SBF1: variants seen among roughly 807,000 people sequenced by gnomAD.
SBF1 encodes the protein SET binding factor 1.
In SBF1, 65 loss-of-function variants were observed where a neutral mutation model predicts 215.8. That is an observed-to-expected ratio of 0.30 (90% CI 0.25 to 0.37). The LOEUF (loss-of-function observed/expected upper bound fraction) is 0.37. Ranked by LOEUF, SBF1 falls within the 10% of genes least tolerant of loss-of-function variation. SBF1 has a pLI of 1.00. For missense variants in SBF1, 2,634 were observed against 2,667.8 expected, an observed-to-expected ratio of 0.99 and a Z score of 0.28; for synonymous variants, 1,410 against 1,122.8, an observed-to-expected ratio of 1.26 and a Z score of -5.11.
chr22:50,454,489 C>T, intron 36 of SBF1, 23 bp downstream of exon 36: 1 of 1,592,194 alleles, frequency 6.3e-7, no homozygotes, highest in Admixed American at 1.7e-5. Context: ...CCAGGCCAGA[C>T]CCTGCTCTGG....
At chr22:50,473,998 A>C (rs2068084413) in intron 1 of SBF1, among the ~76,000 whole-genome samples, 1 of 152,190 alleles carries the variant, frequency 6.6e-6, no homozygotes, top group Non-Finnish European at 1.5e-5. Flanking sequence ...CACGCTCGCC[A>C]ACGCTGCTGT....
At chr22:50,468,342 C>G (rs2067866602) in intron 2 of SBF1, 34 bp downstream of exon 2, 3 of 1,600,138 alleles carry the variant, frequency 1.9e-6, no homozygotes, top group Admixed American at 1.7e-5. Flanking sequence ...CCCTCCCCAC[C>G]TGCCAGCACC....
chr22:50,468,268 A>G (rs1603434545), intron 2 of SBF1, 108 bp downstream of exon 2: 3 of 1,079,844 alleles, frequency 2.8e-6, no homozygotes, highest in African/African-American at 3.2e-5. Context: ...TCCCTAGCCC[A>G]GCGGGGGGCC....
At chr22:50,450,434 T>A (rs1340519114) in intron 36 of SBF1, among the ~76,000 whole-genome samples, 1 of 151,670 alleles carries the variant, frequency 6.6e-6, no homozygotes, top group Admixed American at 6.6e-5. Context: ...GGCAGGAGAA[T>A]TGCTTGAACA....
chr22:50,457,071 G>A lies in SBF1; in HGVS notation c.3867C>T (p.Pro1289=), dbSNP rs372307321. 7 of 1,482,442 alleles carry A rather than the reference G, an allele frequency of 4.7e-6. No homozygotes were observed. Among genetic ancestry groups the A allele is most frequent in the Non-Finnish European group, 5.3e-6 (6 of 1,123,256 alleles). The allele number at this position is 1,482,442 out of a possible 1,614,324, so 91.8% of individuals were successfully genotyped here. Residue 1289 remains proline, a synonymous_variant, in exon 29 of 41, where the codon CCC becomes CCT. Transcript: ENST00000380817. Reference sequence around the variant, plus strand: ...TCCGTCTGGAGGCCGAGGCCGCCATGGGGTTGGACAGCGTGGTGACCCTGG... The same window carrying A: ...TCCGTCTGGAGGCCGAGGCCGCCATAGGGTTGGACAGCGTGGTGACCCTGG... ...PRARVTTLSN[P]MAASASRRTA...
rs555984400 is a variant in SBF1, at chr22:50,450,129, GA to G, written c.5044-1480del. ...GGAGCACCACAGCAAAGGGGCTCTA[GA>G]AATCTAGACAGAGCCCTCCTTGAGT... On this transcript the variant is annotated intron_variant, in intron 36 of 40. Transcript: ENST00000380817. 2.7e-3 allele frequency among the ~76,000 whole-genome samples: 407 copies of G among 152,372 alleles called. 5 individuals carry two copies. Among genetic ancestry groups the G allele is most frequent in the African/African-American group, 9.1e-3 (379 of 41,592 alleles).
chr22:50,465,518 C>T (rs1227059978), intron 10 of SBF1, among the ~76,000 whole-genome samples, 190 bp from the exon 11 acceptor site: 2 of 152,218 alleles, frequency 1.3e-5, no homozygotes, highest in African/African-American at 2.4e-5. Context: ...TGGCTCAGCA[C>T]CCTCAAGGGC....
chr22:50,459,315 C>T lies in SBF1; in HGVS notation c.3766G>A (p.Ala1256Thr), dbSNP rs374895065. The T allele has an allele frequency of 8.6e-5, 138 of 1,612,550 alleles. 1 individual carries two copies. The highest frequency in any genetic ancestry group is 1.6e-4 in the Middle Eastern group (1 of 6,072). The change falls in exon 28 of 41, where the codon GCC becomes ACC. Residue 1256 changes from alanine (A) to threonine (T), a missense_variant. By Grantham distance (58) the Ala-to-Thr change is moderately conservative. Transcript: ENST00000380817. ...AGCGTGTTGCGTCCCGACGCGTCGG[C>T]GTAGCGGGGCATGGAGCTGACCACA... ...QAVVSSMPRY[A>T]DASGRNTLSG...
intron 2 of SBF1, 146 bp downstream of exon 2, chr22:50,468,230 A>T (rs2067860217): frequency 1.3e-6 from 1 of 765,838 alleles, no homozygotes; most frequent in Admixed American, 2.9e-5. Context: ...AGCCGGTCAA[A>T]CCCCCCGACA....
chr22:50,456,472 ACCCCCCG>A lies in SBF1; in HGVS notation c.4086+13_4086+19del, dbSNP rs2067254256. On this transcript the variant is annotated intron_variant, in intron 30 of 40. Transcript: ENST00000380817. ...TGCCGAGCCCCCACCCTCACCCCCC[ACCCCCCG>A]CACCCCAGTCACCTTGAGCTGGGCT... is the stretch of plus-strand genomic sequence containing the variant. The A allele has an allele frequency of 6.8e-6, 3 of 438,224 alleles. No individual in the cohort carries two copies. The highest frequency in any genetic ancestry group is 7.6e-5 in the African/African-American group (2 of 26,150). The allele number at this position is 438,224 out of a possible 1,614,324, so 27.1% of individuals were successfully genotyped here.
rs199878169 is a variant in SBF1, at chr22:50,455,420, C to A, written c.4369-11G>T. On this transcript the variant is annotated splice_polypyrimidine_tract_variant and intron_variant, in intron 32 of 40. Coordinates refer to ENST00000380817, the MANE Select transcript of SBF1 (RefSeq NM_002972.4). ...CACCAAGGATACCACCTGCCAGCAC[C>A]GCCAGGAGGTCAGCGAGGAGCCCGG... 7 of 1,611,790 alleles carry A rather than the reference C, an allele frequency of 4.3e-6. No homozygotes were observed. In the African/African-American group the frequency reaches 9.4e-5, roughly 22 times the overall value.
chr22:50,469,097 G>C (rs1348551125), intron 1 of SBF1, among the ~76,000 whole-genome samples: 2 of 152,168 alleles, frequency 1.3e-5, no homozygotes, highest in African/African-American at 2.4e-5. Flanking sequence ...GCAGGACCTA[G>C]AGGGGCAGCA....
rs758581593 is a variant in SBF1 at position 50,456,541 on chromosome 22, C to A, written c.4037G>T (p.Arg1346Leu). 11 of 1,588,920 alleles carry A rather than the reference C, an allele frequency of 6.9e-6. No homozygotes were observed. The South Asian group carries it at 1.3e-4, about 18-fold the overall frequency. Residue 1346 changes from arginine (R) to leucine (L), a missense_variant, in exon 30 of 41, where the codon CGT (arginine) becomes CTT (leucine). Arg to Leu is a moderately radical substitution (Grantham distance 102). Transcript: ENST00000380817. ...NGGPPDPGFL[R>L]PQRAALYILG... ...GATATAGAGGGCTGCTCGCTGCGGA[C>A]GCAGGAAGCCCGGGTCGGGAGGGCC...
Position 50,446,356 on chromosome 22 carries a change from T to TGCCCCCCC in SBF1, c.*785_*786insGGGGGGGC, listed in dbSNP as rs2066808396. 4 of 35,040 alleles carry TGCCCCCCC rather than the reference T, an allele frequency of 1.1e-4. No homozygotes were observed. The highest frequency in any genetic ancestry group is 5.3e-4 in the East Asian group (1 of 1,904). 2.2% of individuals were successfully genotyped at this position (35,040 alleles called of 1,614,324 possible). A position where few individuals can be genotyped will look rare whatever the true frequency, so the allele number is the denominator to read the frequency against. On this transcript the variant is annotated 3_prime_UTR_variant, in exon 41 of 41. Transcript: ENST00000380817. ...CCTGCATTCCCCTGGGAGCCCACTG[T>TGCCCCCCC]CCCCCCCCCCCCCCCGCCTCCGGCC...
At position 50,462,978 on chromosome 22, in the gene SBF1, C is replaced by T. The variant is rs765413359; in HGVS notation, c.1900-40G>A. 15 of 1,567,872 alleles carry T rather than the reference C, an allele frequency of 9.6e-6. No homozygotes were observed. In the South Asian group the frequency reaches 1.5e-4, roughly 16 times the overall value. The stretch of plus-strand genomic sequence containing the variant: ...AGAGACCGTCAGGACCTCTCCCCTC[C>T]CAGGCAGCACTCACCTCCCACCATG... On this transcript the variant is annotated intron_variant, in intron 16 of 40. Transcript: ENST00000380817.
Position 50,459,240 on chromosome 22 carries a change from C to A in SBF1, c.3826+15G>T. 6.3e-7 allele frequency: 1 copy of A among 1,589,308 alleles called. No individual in the cohort carries two copies. Among genetic ancestry groups the A allele is most frequent in the Non-Finnish European group, 8.6e-7 (1 of 1,161,706 alleles). ...AAGTGCCCCTGCCCCACCGTCTGCC[C>A]ACAAGCACCCTCACCGTGACTGCCC... On this transcript the variant is annotated intron_variant, in intron 28 of 40. Coordinates refer to ENST00000380817, the MANE Select transcript of SBF1 (RefSeq NM_002972.4).
At chr22:50,462,811 G>T in intron 17 of SBF1, 59 bp downstream of exon 17, 22 of 1,604,650 alleles carry the variant, frequency 1.4e-5, no homozygotes, top group Non-Finnish European at 1.7e-5. Context: ...CTGGGAAGGA[G>T]ACCTCAGCCA....
At chr22:50,455,455 C>G (rs1603431233) in intron 32 of SBF1, 26 bp downstream of exon 32, 1 of 1,612,210 alleles carries the variant, frequency 6.2e-7, no homozygotes, top group Admixed American at 1.7e-5. Context: ...GGAGCCTGGC[C>G]CACCCCAGCC....
rs1349773838 is a variant in SBF1, at chr22:50,454,891, C to G, written c.4735G>C (p.Val1579Leu). The G allele has an allele frequency of 1.9e-5, 31 of 1,614,000 alleles. No individual in the cohort carries two copies. Among genetic ancestry groups the G allele is most frequent in the South Asian group, 6.6e-5 (6 of 91,094 alleles). The change falls in exon 35 of 41, where the codon GTG becomes CTG. Residue 1579 changes from valine (V) to leucine (L), a missense_variant. Val to Leu is a conservative substitution (Grantham distance 32, BLOSUM62 1). Coordinates refer to ENST00000380817, the MANE Select transcript of SBF1 (RefSeq NM_002972.4). ...CTCAGCCGGTCCACATACTCCCACA[C>G]AGACCTGCACGGCACCTGGCCCCTG... is the stretch of plus-strand genomic sequence containing the variant. ...ERRGQVPCRS[V>L]WEYVDRLSKR...
Sources: allele counts gnomAD v4.1 joint callset (sites outside exome capture counted in the v4.1 genomes callset), GRCh38; gene constraint gnomAD v4.1.1; transcripts MANE v1.5; gene names NCBI Gene and HGNC (gene_info 2026-07-23, HGNC 2026-07-21).